The following PPIG variants were observed in gnomAD, a reference collection of about 807,000 sequenced individuals.
The protein encoded by PPIG is peptidylprolyl isomerase G, also known as peptidyl-prolyl cis-trans isomerase G.
In PPIG, 26 loss-of-function variants were observed where a neutral mutation model predicts 87.9. The observed-to-expected ratio is 0.30, with a 90% CI of 0.22 to 0.41. The LOEUF (loss-of-function observed/expected upper bound fraction) is 0.41, where lower values mean the gene tolerates loss of function less well. Ranked by LOEUF, PPIG falls within the 10% of genes least tolerant of loss-of-function variation. The probability of loss-of-function intolerance (pLI) is 1.00; values close to 1 mark genes in which losing one functional copy is unlikely to be tolerated. For missense variants in PPIG, 722 were observed against 879.4 expected, an observed-to-expected ratio of 0.82 and a Z score of 2.26; for synonymous variants, 308 against 276.5, an observed-to-expected ratio of 1.11 and a Z score of -1.13.
chr2:169,615,618 T>G (rs1685591199), intron 9 of PPIG, among the ~76,000 whole-genome samples: 1 of 152,208 alleles, frequency 6.6e-6, no homozygotes, highest in Admixed American at 6.5e-5. Context: ...TCCTCTGGGT[T>G]CATTCATGTT....
Position 169,604,276 on chromosome 2 carries a change from T to C in PPIG, c.136+15T>C. The stretch of plus-strand genomic sequence containing the variant: ...TCTTTGTACAGGTTTGTTCACATTT[T>C]CAACTGCCCTAATAGTAGTCTCAGT... On this transcript the variant is annotated intron_variant, in intron 4 of 13. Transcript: ENST00000260970. 6.3e-7 allele frequency: 1 copy of C among 1,593,678 alleles called. No individual in the cohort carries two copies. Among genetic ancestry groups the C allele is most frequent in the Non-Finnish European group, 8.6e-7 (1 of 1,165,796 alleles).
intron 9 of PPIG, among the ~76,000 whole-genome samples, chr2:169,618,450 C>A (rs1251280385): frequency 6.6e-6 from 1 of 152,160 alleles, no homozygotes; most frequent in Admixed American, 6.5e-5. Context: ...CTTTGTACCT[C>A]TGGTAGAATT....
intron 5 of PPIG, 68 bp downstream of exon 5, chr2:169,606,214 CT>C: frequency 8.4e-7 from 1 of 1,196,660 alleles, no homozygotes; most frequent in Non-Finnish European, 1.2e-6. Context: ...AGACAAGTCC[CT>C]AGAAGTTTTA....
chr2:169,616,545 C>A (rs11687106), intron 9 of PPIG, among the ~76,000 whole-genome samples: 19,851 of 152,070 alleles, frequency 0.13, 1,464 homozygotes, highest in Non-Finnish European at 0.18. Context: ...TTCTAACTGG[C>A]GTGAGATGGT....
rs999654779 is a variant in PPIG, at chr2:169,639,629, TAA to T, written c.*2108_*2109del. Reference sequence around the variant, plus strand: ...TCCGCATTATTTATAGTCCTTATTTTAAAGTTTTATTAGCTCTCTTTACAGAA... The same window carrying T: ...TCCGCATTATTTATAGTCCTTATTTTAGTTTTATTAGCTCTCTTTACAGAA... On this transcript the variant is annotated 3_prime_UTR_variant, in exon 14 of 14. Coordinates refer to ENST00000260970, the MANE Select transcript of PPIG (RefSeq NM_004792.3). 1.3e-5 allele frequency: 2 copies of T among 152,152 alleles called. No homozygotes were observed. Among genetic ancestry groups the T allele is most frequent in the African/African-American group, 4.8e-5 (2 of 41,462 alleles). 9.4% of individuals were successfully genotyped at this position (152,152 alleles called of 1,614,324 possible).
chr2:169,627,412 G>A (rs1685918464), intron 9 of PPIG, among the ~76,000 whole-genome samples: 2 of 152,120 alleles, frequency 1.3e-5, no homozygotes. Flanking sequence ...ATTTTATCAT[G>A]TTATCTTGCT....
At chr2:169,616,677 C>T (rs191435545) in intron 9 of PPIG, among the ~76,000 whole-genome samples, 6 of 152,112 alleles carry the variant, frequency 3.9e-5, no homozygotes, top group Admixed American at 1.3e-4. Flanking sequence ...ATCCTTTGCC[C>T]GCTTTTTGAT....
intron 1 of PPIG, among the ~76,000 whole-genome samples, chr2:169,587,385 G>A (rs958033466): frequency 2.6e-5 from 4 of 152,024 alleles, no homozygotes; most frequent in African/African-American, 9.7e-5. Flanking sequence ...GGGATTACAG[G>A]CATGTGCCAC....
At chr2:169,589,580 T>A (rs1171259051) in intron 1 of PPIG, among the ~76,000 whole-genome samples, 1 of 152,218 alleles carries the variant, frequency 6.6e-6, no homozygotes, top group Non-Finnish European at 1.5e-5. Context: ...TGTCTCCTGT[T>A]TCATCAAATT....
At chr2:169,589,328 A>C (rs1684796460) in intron 1 of PPIG, among the ~76,000 whole-genome samples, 2 of 152,192 alleles carry the variant, frequency 1.3e-5, no homozygotes, top group African/African-American at 4.8e-5. Context: ...ACACCTCAGA[A>C]TGTTAGCTTG....
At position 169,606,867 on chromosome 2, in the gene PPIG, CTT is replaced by C. The variant is rs1032035919; in HGVS notation, c.245-232_245-231del. 5.9e-5 allele frequency among the ~76,000 whole-genome samples: 9 copies of C among 152,124 alleles called. No homozygotes were observed. The South Asian group carries it at 1.7e-3, about 28-fold the overall frequency. ...TAATCATAATTAGAATCTGAAAGTT[CTT>C]TTTTAAAATATATTTTAATAGTCTT... On this transcript the variant is annotated intron_variant, in intron 5 of 13. Coordinates refer to ENST00000260970, the MANE Select transcript of PPIG (RefSeq NM_004792.3).
At position 169,636,827 on chromosome 2, in the gene PPIG, A is replaced by G; in HGVS notation, c.1569A>G (p.Leu523=). 2 of 1,613,732 alleles carry G rather than the reference A, an allele frequency of 1.2e-6. No homozygotes were observed. Among genetic ancestry groups the G allele is most frequent in the Non-Finnish European group, 1.7e-6 (2 of 1,179,966 alleles). The change falls in exon 14 of 14, where the codon TTA becomes TTG. Residue 523 remains leucine (L), a synonymous_variant. Transcript: ENST00000260970. ...RSRSKEKSKQ[L]ESKSNEHDHS... ...GAAGTAAAGAGAAGTCTAAACAGTTAGAATCAAAGAGTAATGAGCATGATC... is the reference window on the plus strand; with the variant it reads ...GAAGTAAAGAGAAGTCTAAACAGTTGGAATCAAAGAGTAATGAGCATGATC...
intron 12 of PPIG, among the ~76,000 whole-genome samples, chr2:169,633,761 C>T (rs1043535611): frequency 6.6e-6 from 1 of 152,056 alleles, no homozygotes; most frequent in Non-Finnish European, 1.5e-5. Context: ...AGCTCCATGT[C>T]ACAAATTCCA....
At chr2:169,587,440 C>T (rs893056554) in intron 1 of PPIG, among the ~76,000 whole-genome samples, 10 of 151,902 alleles carry the variant, frequency 6.6e-5, no homozygotes, top group African/African-American at 2.4e-4. Flanking sequence ...TGGGGTTTCA[C>T]CATGTTGGTT....
chr2:169,609,250 A>C (rs1685421721), intron 7 of PPIG, among the ~76,000 whole-genome samples: 1 of 151,920 alleles, frequency 6.6e-6, no homozygotes, highest in East Asian at 2.0e-4. Context: ...TTGCTCTGTC[A>C]CCCAGGCGAG....
At chr2:169,608,837 C>T (rs962034025) in intron 7 of PPIG, 79 bp downstream of exon 7, 18 of 946,026 alleles carry the variant, frequency 1.9e-5, no homozygotes, top group Non-Finnish European at 3.3e-6. Context: ...AATCCCAGGA[C>T]TTTGGGAGGC....
intron 1 of PPIG, among the ~76,000 whole-genome samples, chr2:169,600,382 C>CTCTT (rs1246230397): frequency 6.6e-6 from 1 of 152,122 alleles, no homozygotes; most frequent in Non-Finnish European, 1.5e-5. Context: ...GCCTCCTAAG[C>CTCTT]TCTTTACATG....
At chr2:169,627,334 C>T (rs772285857) in intron 9 of PPIG, among the ~76,000 whole-genome samples, 3 of 152,298 alleles carry the variant, frequency 2.0e-5, no homozygotes, top group East Asian at 1.9e-4. Context: ...TGACCTCAAC[C>T]GATCCACTAG....
intron 1 of PPIG, among the ~76,000 whole-genome samples, chr2:169,589,699 T>G (rs1684806650): frequency 6.6e-6 from 1 of 152,148 alleles, no homozygotes; most frequent in Non-Finnish European, 1.5e-5. Flanking sequence ...CACTTCCTAG[T>G]AGATCTAGGG....
Sources: allele counts gnomAD v4.1 joint callset (sites outside exome capture counted in the v4.1 genomes callset), GRCh38; gene constraint gnomAD v4.1.1; transcripts MANE v1.5; gene names NCBI Gene and HGNC (gene_info 2026-07-23, HGNC 2026-07-21).